COG5: variants seen among roughly 807,000 people sequenced by gnomAD.
COG5 encodes conserved oligomeric Golgi complex subunit 5.
In COG5, 86 loss-of-function variants were observed where a neutral mutation model predicts 110.4. The observed-to-expected ratio is 0.78, with a 90% CI of 0.65 to 0.93. The LOEUF is 0.93. Among genes scored for constraint, COG5 ranks in the 40% least tolerant of loss-of-function variants. COG5 has a pLI of 0.00. For synonymous variants in COG5, 360 were observed against 334.6 expected, an observed-to-expected ratio of 1.08 and a Z score of -0.83; for missense variants, 1,077 against 987.0, an observed-to-expected ratio of 1.09 and a Z score of -1.22.
At chr7:107,290,889 C>T (rs1806110885) in intron 12 of COG5, among the ~76,000 whole-genome samples, 1 of 152,178 alleles carries the variant, frequency 6.6e-6, no homozygotes, top group Non-Finnish European at 1.5e-5. Flanking sequence ...CTCCTGGCCT[C>T]AAGCGATCCT....
At chr7:107,438,088 A>G (rs1171226155) in intron 6 of COG5, among the ~76,000 whole-genome samples, 1 of 152,202 alleles carries the variant, frequency 6.6e-6, no homozygotes. Flanking sequence ...CTGAGGCCCT[A>G]TGGATGAAAA....
intron 6 of COG5, among the ~76,000 whole-genome samples, chr7:107,454,698 C>A (rs928111083): frequency 6.6e-6 from 1 of 151,976 alleles, no homozygotes; most frequent in Admixed American, 6.6e-5. Context: ...CAATGCAAAC[C>A]ACTATCAAGG....
intron 1 of COG5, among the ~76,000 whole-genome samples, chr7:107,560,441 A>T (rs1472264909): frequency 1.3e-5 from 2 of 152,244 alleles, no homozygotes; most frequent in African/African-American, 4.8e-5. Context: ...AAAATGGGTG[A>T]TTAGGTAGAA....
intron 11 of COG5, among the ~76,000 whole-genome samples, chr7:107,307,938 T>C (rs1345028988): frequency 6.6e-6 from 1 of 152,102 alleles, no homozygotes; most frequent in South Asian, 2.1e-4. Context: ...CAAAAATACA[T>C]AGCCACAGTT....
intron 17 of COG5, among the ~76,000 whole-genome samples, chr7:107,243,493 C>T (rs1469765731): frequency 8.3e-6 from 1 of 120,144 alleles, no homozygotes; most frequent in Non-Finnish European, 1.6e-5. Flanking sequence ...GCCTAGGGGA[C>T]AGAGCGAGAC....
chr7:107,283,124 T>G (rs1247848087), intron 13 of COG5, among the ~76,000 whole-genome samples: 1 of 152,188 alleles, frequency 6.6e-6, no homozygotes, highest in East Asian at 1.9e-4. Context: ...CACATTCACT[T>G]AAAAAGCTTA....
intron 16 of COG5, among the ~76,000 whole-genome samples, chr7:107,256,152 T>C (rs927491352): frequency 6.6e-6 from 1 of 152,142 alleles, no homozygotes; most frequent in African/African-American, 2.4e-5. Flanking sequence ...AAAGGGGGTA[T>C]AGTTATGTTT....
chr7:107,364,140 T>C (rs1462930599), intron 8 of COG5, among the ~76,000 whole-genome samples: 1 of 152,200 alleles, frequency 6.6e-6, no homozygotes, highest in Non-Finnish European at 1.5e-5. Context: ...TAATTTTGTT[T>C]TCCTGATATG....
At chr7:107,449,576 C>T (rs115398103) in intron 6 of COG5, among the ~76,000 whole-genome samples, 1,609 of 152,206 alleles carry the variant, frequency 0.011, 17 homozygotes, top group African/African-American at 0.037. Flanking sequence ...GTTTTTAATG[C>T]AATACCATAA....
rs71134258 is a variant in COG5 at position 107,258,425 on chromosome 7, T to TTCTCTCTCTCTC, written c.1576-54_1576-43dup. 4 of 886,446 alleles carry TTCTCTCTCTCTC rather than the reference T, an allele frequency of 4.5e-6. No homozygotes were observed. The African/African-American group carries it at 6.7e-5, about 15-fold the overall frequency. The allele number at this position is 886,446 out of a possible 1,614,324, so 54.9% of individuals were successfully genotyped here. On this transcript the variant is annotated intron_variant, in intron 14 of 21. Transcript: ENST00000297135. ...TCAAAAGAATGTGTCAGAATGATAATTCTCTCTCTCTCTCTCTCTCTCTCT... is the reference window on the plus strand; with the variant it reads ...TCAAAAGAATGTGTCAGAATGATAATTCTCTCTCTCTCTCTCTCTCTCTCTCTCTCTCTCTCT...
intron 6 of COG5, among the ~76,000 whole-genome samples, chr7:107,461,876 G>A (rs1330816233): frequency 1.3e-5 from 2 of 152,112 alleles, no homozygotes; most frequent in Non-Finnish European, 1.5e-5. Context: ...ATATTACCAA[G>A]AGAAATTAAA....
intron 7 of COG5, among the ~76,000 whole-genome samples, chr7:107,410,054 A>T (rs1048911091): frequency 6.6e-6 from 1 of 152,218 alleles, no homozygotes; most frequent in Admixed American, 6.5e-5. Context: ...GAGCAATGAA[A>T]AGACTAGGCA....
intron 10 of COG5, among the ~76,000 whole-genome samples, chr7:107,337,136 AAAC>A (rs1199408849): frequency 2.0e-5 from 3 of 152,184 alleles, no homozygotes; most frequent in African/African-American, 7.2e-5. Flanking sequence ...ACTATTAAAA[AAAC>A]AAAAAATAAC....
intron 10 of COG5, among the ~76,000 whole-genome samples, chr7:107,333,750 G>A (rs1312509670): frequency 6.6e-6 from 1 of 152,058 alleles, no homozygotes; most frequent in African/African-American, 2.4e-5. Context: ...GAGCAATAGA[G>A]ATAATCTAAA....
At chr7:107,492,647 T>C (rs1444642281) in intron 6 of COG5, among the ~76,000 whole-genome samples, 1 of 152,112 alleles carries the variant, frequency 6.6e-6, no homozygotes, top group African/African-American at 2.4e-5. Context: ...CCTTCTTTCA[T>C]CTTCAAAGCC....
Position 107,484,863 on chromosome 7 carries a change from G to C in COG5, c.538+42374C>G, listed in dbSNP as rs2129123532. Among the ~76,000 whole-genome samples, 3 of 152,270 alleles carry C rather than the reference G, an allele frequency of 2.0e-5. No individual in the cohort carries two copies. The Middle Eastern group carries it at 0.01, about 518-fold the overall frequency. ...TAGATTCTTGAATGTTAAAACAGTGGATTTGAATCATTTCGTAACACACCT... is the reference window on the plus strand; with the variant it reads ...TAGATTCTTGAATGTTAAAACAGTGCATTTGAATCATTTCGTAACACACCT... On this transcript the variant is annotated intron_variant, in intron 6 of 21. Transcript: ENST00000297135.
At chr7:107,498,448 A>T (rs1798414709) in intron 6 of COG5, among the ~76,000 whole-genome samples, 1 of 152,230 alleles carries the variant, frequency 6.6e-6, no homozygotes, top group Non-Finnish European at 1.5e-5. Context: ...AAACCCAATT[A>T]AAAATGAGCT....
At chr7:107,223,624 A>G (rs1800113394) in intron 19 of COG5, among the ~76,000 whole-genome samples, 1 of 152,202 alleles carries the variant, frequency 6.6e-6, no homozygotes, top group Non-Finnish European at 1.5e-5. Flanking sequence ...TGGGGAGTTT[A>G]GATTCTCTTT....
chr7:107,324,581 A>G, intron 10 of COG5, 60 bp from the exon 11 acceptor site: 1 of 963,366 alleles, frequency 1.0e-6, no homozygotes, highest in Non-Finnish European at 1.6e-6. Flanking sequence ...TTAAGAAATC[A>G]TAATGGGTAA....
Sources: allele counts gnomAD v4.1 joint callset (sites outside exome capture counted in the v4.1 genomes callset), GRCh38; gene constraint gnomAD v4.1.1; transcripts MANE v1.5; gene names NCBI Gene and HGNC (gene_info 2026-07-23, HGNC 2026-07-21).